The following ERC2 variants were observed in gnomAD, a reference collection of about 807,000 sequenced individuals.
ERC2 encodes ERC protein 2.
Under a neutral mutation model 114.8 loss-of-function variants are expected in ERC2, and 42 were observed. That is an observed-to-expected ratio of 0.37 (90% confidence interval 0.29 to 0.47). The LOEUF (loss-of-function observed/expected upper bound fraction) is 0.47. ERC2 is among the 20% of genes least tolerant of loss of function. The pLI, the probability that ERC2 is intolerant of heterozygous loss-of-function variation, is 0.99. For missense variants in ERC2, 939 were observed against 1,150.7 expected, an observed-to-expected ratio of 0.82 and a Z score of 2.66; for synonymous variants, 454 against 425.5, an observed-to-expected ratio of 1.07 and a Z score of -0.82.
chr3:56,108,123 T>G (rs2078768188), intron 6 of ERC2, among the ~76,000 whole-genome samples: 1 of 152,152 alleles, frequency 6.6e-6, no homozygotes, highest in South Asian at 2.1e-4. Flanking sequence ...ACCACATCAA[T>G]AAGCAAAGTA....
intron 17 of ERC2, among the ~76,000 whole-genome samples, chr3:55,616,673 T>C (rs2059133625): frequency 6.6e-6 from 1 of 151,598 alleles, no homozygotes; most frequent in African/African-American, 2.4e-5. Context: ...TTAAGCACTT[T>C]CCATGCATTA....
At chr3:55,826,295 T>G (rs966567154) in intron 14 of ERC2, among the ~76,000 whole-genome samples, 11 of 152,168 alleles carry the variant, frequency 7.2e-5, no homozygotes, top group Non-Finnish European at 1.6e-4. Context: ...AAAATGACTG[T>G]GAATGCAGTG....
chr3:56,416,679 A>AC (rs890960811), intron 2 of ERC2, among the ~76,000 whole-genome samples: 1 of 149,990 alleles, frequency 6.7e-6, no homozygotes, highest in African/African-American at 2.5e-5. Context: ...AAAAAAAAAA[A>AC]AACTCCTGAT....
At chr3:55,945,893 C>A (rs770161029) in intron 13 of ERC2, among the ~76,000 whole-genome samples, 5 of 152,022 alleles carry the variant, frequency 3.3e-5, no homozygotes, top group Admixed American at 6.5e-5. Context: ...GAAGAGAATT[C>A]TGCAGACATA....
Position 56,311,255 on chromosome 3 carries a change from CTATATA to C in ERC2, c.658-14826_658-14821del, listed in dbSNP as rs67320179. 2.6e-3 allele frequency among the ~76,000 whole-genome samples: 209 copies of C among 79,026 alleles called. 1 individual carries two copies. The highest frequency in any genetic ancestry group is 0.017 in the East Asian group (49 of 2,826). The allele number at this position is 79,026 out of a possible 152,430, so 51.8% of individuals were successfully genotyped here. On this transcript the variant is annotated intron_variant, in intron 2 of 17. Transcript: ENST00000288221. ...CTTCTCTCTCTCTCTCTCTCTCTCT[CTATATA>C]TATATATATATATATATATATATAT...
intron 15 of ERC2, among the ~76,000 whole-genome samples, chr3:55,717,173 TTA>T (rs1465998985): frequency 1.3e-5 from 2 of 152,228 alleles, no homozygotes; most frequent in Admixed American, 1.3e-4. Flanking sequence ...GACCTTGTTT[TTA>T]AAGACTGTGC....
chr3:55,923,625 C>T (rs933916825), intron 13 of ERC2, among the ~76,000 whole-genome samples: 3 of 152,096 alleles, frequency 2.0e-5, no homozygotes, highest in African/African-American at 7.2e-5. Flanking sequence ...TCTTCAGTTG[C>T]AGCTCCAGGA....
intron 3 of ERC2, chr3:56,173,812 G>T: frequency 3.3e-6 from 1 of 304,034 alleles, no homozygotes. Context: ...CACTGGGGCT[G>T]ATGCCCAGCC....
chr3:56,096,291 T>A (rs1010776614), intron 6 of ERC2, among the ~76,000 whole-genome samples: 5 of 152,208 alleles, frequency 3.3e-5, no homozygotes, highest in Non-Finnish European at 7.3e-5. Flanking sequence ...CTAATCTCAC[T>A]GACAATAATG....
intron 16 of ERC2, among the ~76,000 whole-genome samples, chr3:55,689,121 A>G (rs2062493988): frequency 6.6e-6 from 1 of 152,158 alleles, no homozygotes; most frequent in African/African-American, 2.4e-5. Context: ...GGTTCTTCTC[A>G]GCAAGTTCAC....
chr3:56,316,916 G>A (rs1188100686), intron 2 of ERC2, among the ~76,000 whole-genome samples: 1 of 152,124 alleles, frequency 6.6e-6, no homozygotes, highest in African/African-American at 2.4e-5. Flanking sequence ...ATATAAGCTG[G>A]TCATTCATTT....
chr3:55,962,343 C>G (rs1339319113), intron 12 of ERC2, among the ~76,000 whole-genome samples: 1 of 152,196 alleles, frequency 6.6e-6, no homozygotes, highest in Non-Finnish European at 1.5e-5. Flanking sequence ...GGCCATATGG[C>G]CTCTGTCAAA....
At chr3:56,252,358 T>C (rs2052219723) in intron 3 of ERC2, among the ~76,000 whole-genome samples, 1 of 152,162 alleles carries the variant, frequency 6.6e-6, no homozygotes, top group Non-Finnish European at 1.5e-5. Flanking sequence ...ATGCCTCCCA[T>C]ACATGTTCCA....
chr3:56,294,470 C>A (rs2055298939), intron 3 of ERC2, among the ~76,000 whole-genome samples: 1 of 152,194 alleles, frequency 6.6e-6, no homozygotes, highest in Non-Finnish European at 1.5e-5. Flanking sequence ...TTCTTTGTGG[C>A]TGTTGAAATG....
intron 14 of ERC2, among the ~76,000 whole-genome samples, chr3:55,762,250 T>C (rs1361174574): frequency 6.6e-6 from 1 of 152,142 alleles, no homozygotes; most frequent in Non-Finnish European, 1.5e-5. Flanking sequence ...TCGGATTTAA[T>C]GTAAGGATGG....
At chr3:56,408,705 C>T (rs771467796) in intron 2 of ERC2, among the ~76,000 whole-genome samples, 1 of 152,122 alleles carries the variant, frequency 6.6e-6, no homozygotes, top group Non-Finnish European at 1.5e-5. Context: ...ATAAGTGTGG[C>T]GAAAGAACTA....
intron 2 of ERC2, among the ~76,000 whole-genome samples, chr3:56,348,345 C>CATATA (rs2150515423): frequency 1.3e-5 from 2 of 152,028 alleles, no homozygotes; most frequent in African/African-American, 4.8e-5. Flanking sequence ...ACCATCATAT[C>CATATA]TTGATTGCAT....
chr3:55,610,098 A>C (rs1053213636), intron 17 of ERC2, among the ~76,000 whole-genome samples: 5 of 150,328 alleles, frequency 3.3e-5, no homozygotes, highest in Non-Finnish European at 7.4e-5. Flanking sequence ...GAATTCCTCT[A>C]ATTTAAGGTT....
At chr3:56,132,775 C>T (rs115695935) in intron 6 of ERC2, among the ~76,000 whole-genome samples, 153 of 152,206 alleles carry the variant, frequency 1.0e-3, no homozygotes, top group African/African-American at 3.6e-3. Flanking sequence ...TTTGTTTTTA[C>T]ATAGTGTGCA....
Sources: allele counts gnomAD v4.1 joint callset (sites outside exome capture counted in the v4.1 genomes callset), GRCh38; gene constraint gnomAD v4.1.1; transcripts MANE v1.5; gene names NCBI Gene and HGNC (gene_info 2026-07-23, HGNC 2026-07-21).